TTYH3: variants seen among roughly 807,000 people sequenced by gnomAD.
TTYH3 encodes tweety family member 3.
A neutral mutation model predicts 68.2 loss-of-function variants in TTYH3; 23 were observed. The ratio of observed to expected loss-of-function variants is 0.34; its 90% confidence interval spans 0.24 to 0.48. The LOEUF (loss-of-function observed/expected upper bound fraction) is 0.48, where lower values mean the gene tolerates loss of function less well. Ranked by LOEUF, TTYH3 falls within the 20% of genes least tolerant of loss-of-function variation. The probability of loss-of-function intolerance (pLI) is 0.99; values close to 1 mark genes in which losing one functional copy is unlikely to be tolerated. For synonymous variants in TTYH3, 360 were observed against 332.8 expected (o/e 1.08, Z -0.89); for missense variants, 768 against 727.7 (o/e 1.06, Z -0.64).
At chr7:2,660,225 C>T (rs1386528603) in intron 13 of TTYH3, 1 of 985,326 alleles carries the variant, frequency 1.0e-6, no homozygotes, top group African/African-American at 1.7e-5. Context: ...TCTGGGCCCG[C>T]CAGCCTCACA....
At chr7:2,650,516 T>C (rs1255101279) in intron 7 of TTYH3, among the ~76,000 whole-genome samples, 1 of 151,502 alleles carries the variant, frequency 6.6e-6, no homozygotes, top group Non-Finnish European at 1.5e-5. Flanking sequence ...AGGTGGAGGT[T>C]GCAATGAGCC....
intron 11 of TTYH3, among the ~76,000 whole-genome samples, 164 bp downstream of exon 11, chr7:2,656,698 C>T (rs1786345770): frequency 6.6e-6 from 1 of 152,212 alleles, no homozygotes; most frequent in Non-Finnish European, 1.5e-5. Flanking sequence ...GTCTCTGAGG[C>T]TGCCGGTTCC....
intron 1 of TTYH3, among the ~76,000 whole-genome samples, chr7:2,639,424 T>G (rs546788271): frequency 2.6e-5 from 4 of 152,308 alleles, no homozygotes; most frequent in Admixed American, 2.6e-4. Flanking sequence ...CAACGGGAGT[T>G]TCAGTGACCG....
intron 5 of TTYH3, 92 bp from the exon 6 acceptor site, chr7:2,649,475 T>C: frequency 7.8e-7 from 1 of 1,281,616 alleles, no homozygotes; most frequent in Non-Finnish European, 1.1e-6. Context: ...ACCCCTGATG[T>C]GCACTGGGAC....
In TTYH3 at chr7:2,658,949, C is replaced by T. The variant is rs772725139; in HGVS notation, c.1434C>T (p.Asn478=). Residue 478 remains asparagine, a synonymous_variant, in exon 13 of 14, where the codon AAC becomes AAT. Coordinates refer to ENST00000258796, the MANE Select transcript of TTYH3 (RefSeq NM_025250.3). The part of the protein sequence containing the change: ...NAPVTEYMSQ[N]ANFQNPRCEN... ...TCCCCTCATGCCTCAGGAGCCAGAA[C>T]GCTAATTTCCAGAACCCCCGCTGTG... The T allele has an allele frequency of 1.2e-5, 20 of 1,613,922 alleles. No homozygotes were observed. In the Middle Eastern group the frequency reaches 4.9e-4, roughly 40 times the overall value.
chr7:2,634,281 C>T (rs1785600864), intron 1 of TTYH3, among the ~76,000 whole-genome samples: 1 of 152,176 alleles, frequency 6.6e-6, no homozygotes, highest in Non-Finnish European at 1.5e-5. Flanking sequence ...TCTGAGCCTT[C>T]ATTGCCTCAT....
Position 2,645,839 on chromosome 7 carries a change from G to GA in TTYH3, c.124-1010dup, listed in dbSNP as rs752075275. The GA allele has an allele frequency of 4.5e-5, 21 of 470,902 alleles. 1 individual carries two copies. Among genetic ancestry groups the GA allele is most frequent in the Middle Eastern group, 6.5e-4 (2 of 3,074 alleles). The allele number at this position is 470,902 out of a possible 1,614,324, so 29.2% of individuals were successfully genotyped here. On this transcript the variant is annotated intron_variant, in intron 1 of 13. Coordinates refer to ENST00000258796, the MANE Select transcript of TTYH3 (RefSeq NM_025250.3). The surrounding 1 kb of genome is among the most constrained non-coding windows in gnomAD (Gnocchi z 4.8). ...GGCTCCCAATTTCCCTACCAGACCT[G>GA]AAAACCTCAGGACTACAGCTGGGGT... is the stretch of plus-strand genomic sequence containing the variant.
intron 7 of TTYH3, among the ~76,000 whole-genome samples, chr7:2,650,576 C>G (rs1020775966): frequency 1.3e-5 from 2 of 150,782 alleles, no homozygotes; most frequent in African/African-American, 4.9e-5. Context: ...GAAACTCCAT[C>G]TCAAAAAAAA....
At chr7:2,660,135 C>A in intron 13 of TTYH3, 3 of 1,217,610 alleles carry the variant, frequency 2.5e-6, no homozygotes, top group South Asian at 1.5e-5. Flanking sequence ...CGGCACTGAG[C>A]TGGGGCTCCA....
At chr7:2,655,604 C>T (rs1786310502) in intron 9 of TTYH3, among the ~76,000 whole-genome samples, 1 of 152,268 alleles carries the variant, frequency 6.6e-6, no homozygotes, top group Non-Finnish European at 1.5e-5. Flanking sequence ...TGTCCGTGCA[C>T]AGGTGCACAC....
chr7:2,656,262 G>A (rs1044833382), intron 10 of TTYH3, 78 bp downstream of exon 10: 3 of 1,559,176 alleles, frequency 1.9e-6, no homozygotes, highest in Non-Finnish European at 2.6e-6. Flanking sequence ...GGAGGATGGG[G>A]ACCCTCAGCA....
chr7:2,661,926 C>A lies in TTYH3; in HGVS notation c.*187C>A. ...ACAGTGGAGACGCAGGGGCTCTGGG[C>A]CCGTACCGCCAACTCGGGTCACACC... On this transcript the variant is annotated 3_prime_UTR_variant, in exon 14 of 14. Coordinates refer to ENST00000258796, the MANE Select transcript of TTYH3 (RefSeq NM_025250.3). The A allele has an allele frequency of 1.5e-6, 1 of 656,494 alleles. No individual in the cohort carries two copies. Among genetic ancestry groups the A allele is most frequent in the Non-Finnish European group, 2.6e-6 (1 of 378,732 alleles). The allele number at this position is 656,494 out of a possible 1,614,324, so 40.7% of individuals were successfully genotyped here.
At chr7:2,653,195 T>C (rs1786239444) in intron 9 of TTYH3, among the ~76,000 whole-genome samples, 185 bp downstream of exon 9, 4 of 152,156 alleles carry the variant, frequency 2.6e-5, no homozygotes, top group African/African-American at 9.7e-5. Context: ...CTTTCCGCGT[T>C]AGGCCTCATT....
At chr7:2,639,163 C>T (rs1470218656) in intron 1 of TTYH3, among the ~76,000 whole-genome samples, 1 of 152,186 alleles carries the variant, frequency 6.6e-6, no homozygotes, top group Non-Finnish European at 1.5e-5. Flanking sequence ...GGCTGGAGTT[C>T]AGCATCCGTG....
At chr7:2,659,872 C>T in intron 13 of TTYH3, 1 of 1,271,092 alleles carries the variant, frequency 7.9e-7, no homozygotes, top group Non-Finnish European at 1.0e-6. Context: ...TGGCCCCACA[C>T]CCTGGCGTTG....
intron 1 of TTYH3, among the ~76,000 whole-genome samples, chr7:2,640,817 C>T (rs1039131077): frequency 9.2e-5 from 14 of 152,226 alleles, no homozygotes; most frequent in Non-Finnish European, 2.1e-4. Context: ...GGCCTTGTGG[C>T]TCACTGGGCC....
chr7:2,641,707 C>T (rs556878869), intron 1 of TTYH3, among the ~76,000 whole-genome samples: 2 of 152,362 alleles, frequency 1.3e-5, no homozygotes, highest in African/African-American at 4.8e-5. Flanking sequence ...GGCTGGGCCA[C>T]CGTAGGAATG....
intron 13 of TTYH3, chr7:2,660,239 G>T (rs996345719): frequency 2.0e-6 from 2 of 985,290 alleles, no homozygotes; most frequent in African/African-American, 3.5e-5. Flanking sequence ...CCTCACAGTG[G>T]GGTTGGCAAG....
chr7:2,654,117 C>G (rs928608554), intron 9 of TTYH3, among the ~76,000 whole-genome samples: 2 of 152,074 alleles, frequency 1.3e-5, no homozygotes, highest in African/African-American at 2.4e-5. Context: ...CACACGGGGC[C>G]GGGCACGGCA....
Sources: allele counts gnomAD v4.1 joint callset (sites outside exome capture counted in the v4.1 genomes callset), GRCh38; gene constraint gnomAD v4.1.1; non-coding constraint Gnocchi (gnomAD v3.1); transcripts MANE v1.5; gene names NCBI Gene and HGNC (gene_info 2026-07-23, HGNC 2026-07-21).